Variants in FSTL4 observed in about 807,000 individuals in gnomAD.
FSTL4 encodes follistatin like 4, also known as follistatin-related protein 4.
In FSTL4, 28 loss-of-function variants were observed where a neutral mutation model predicts 78.2. The ratio of observed to expected loss-of-function variants is 0.36; its 90% CI spans 0.27 to 0.49. The LOEUF (loss-of-function observed/expected upper bound fraction) is 0.49. Among genes scored for constraint, FSTL4 ranks in the 20% least tolerant of loss-of-function variants. The probability of loss-of-function intolerance (pLI) is 0.98; values close to 1 mark genes in which losing one functional copy is unlikely to be tolerated. For missense variants in FSTL4, 922 were observed against 1,084.9 expected (o/e 0.85, Z 2.11); for synonymous variants, 422 against 440.5 (o/e 0.96, Z 0.53).
At chr5:133,411,202 G>A (rs1057439688) in intron 3 of FSTL4, among the ~76,000 whole-genome samples, 5 of 152,142 alleles carry the variant, frequency 3.3e-5, no homozygotes, top group African/African-American at 4.8e-5. Context: ...ACAGGCTATG[G>A]AAAAGAACCA....
At chr5:133,629,710 CCAATAT>C in the FSTL4 span, among the ~76,000 whole-genome samples, 12 of 152,162 alleles carry the variant, frequency 7.9e-5, no homozygotes, top group Non-Finnish European at 1.6e-4. Context: ...AAATTTCAGG[CCAATAT>C]CCCTGACGAA....
At chr5:133,320,150 T>C (rs1005055914) in intron 4 of FSTL4, among the ~76,000 whole-genome samples, 41 of 152,166 alleles carry the variant, frequency 2.7e-4, no homozygotes, top group East Asian at 9.6e-4. Flanking sequence ...CTTCCTTCCT[T>C]GCCTTCTTCC....
chr5:133,241,846 C>G (rs1215680324), intron 7 of FSTL4, among the ~76,000 whole-genome samples: 1 of 152,198 alleles, frequency 6.6e-6, no homozygotes, highest in Non-Finnish European at 1.5e-5. Context: ...GCTCCTGACT[C>G]TAACTTGGAC....
chr5:133,540,818 CA>C (rs1471698866), intron 3 of FSTL4, among the ~76,000 whole-genome samples: 1 of 151,192 alleles, frequency 6.6e-6, no homozygotes, highest in African/African-American at 2.4e-5. Flanking sequence ...GTGGAATCAT[CA>C]AGTTTATTTA....
chr5:133,365,903 G>T (rs754423571), intron 4 of FSTL4, among the ~76,000 whole-genome samples: 4 of 152,174 alleles, frequency 2.6e-5, no homozygotes, highest in Non-Finnish European at 5.9e-5. Context: ...CAAGCCTCAC[G>T]ACTGGCAGGG....
At chr5:133,427,092 C>G (rs1241767863) in intron 3 of FSTL4, among the ~76,000 whole-genome samples, 1 of 152,220 alleles carries the variant, frequency 6.6e-6, no homozygotes, top group African/African-American at 2.4e-5. Context: ...CTGGAGAACA[C>G]ACAGGCTCTG....
intron 4 of FSTL4, among the ~76,000 whole-genome samples, chr5:133,374,640 TG>T (rs1190374304): frequency 4.6e-5 from 7 of 152,058 alleles, no homozygotes; most frequent in African/African-American, 1.7e-4. Flanking sequence ...GGAGGTGAGG[TG>T]TCTGTTAGGT....
At chr5:133,744,783 C>T in the FSTL4 span, among the ~76,000 whole-genome samples, 2 of 152,186 alleles carry the variant, frequency 1.3e-5, no homozygotes, top group African/African-American at 2.4e-5. Context: ...GACGTGGGAA[C>T]TCGGAACAAT....
intron 3 of FSTL4, among the ~76,000 whole-genome samples, chr5:133,498,531 T>C (rs1310968947): frequency 1.3e-5 from 2 of 152,198 alleles, no homozygotes; most frequent in East Asian, 3.9e-4. Context: ...TCAGCCTGGC[T>C]AACATGGTGA....
intron 3 of FSTL4, among the ~76,000 whole-genome samples, chr5:133,461,374 C>T (rs1180785477): frequency 6.6e-6 from 1 of 152,180 alleles, no homozygotes; most frequent in African/African-American, 2.4e-5. Context: ...TGGCCTCTTG[C>T]AAGGGACTTA....
chr5:133,695,571 C>T, the FSTL4 span, among the ~76,000 whole-genome samples: 1 of 152,216 alleles, frequency 6.6e-6, no homozygotes, highest in Non-Finnish European at 1.5e-5. Context: ...CACCACTGAC[C>T]TAACGGGGAC....
At chr5:133,658,517 A>C in the FSTL4 span, among the ~76,000 whole-genome samples, 11 of 152,188 alleles carry the variant, frequency 7.2e-5, no homozygotes, top group East Asian at 3.9e-4. Context: ...CATTTTTAAA[A>C]ATTTGCATTT....
chr5:133,778,859 T>A, the FSTL4 span, among the ~76,000 whole-genome samples: 1 of 152,048 alleles, frequency 6.6e-6, no homozygotes, highest in Non-Finnish European at 1.5e-5. Context: ...ACATAACTCC[T>A]CTCACAAGGC....
chr5:133,665,936 G>A, the FSTL4 span, among the ~76,000 whole-genome samples: 44,184 of 152,152 alleles, frequency 0.29, 6,993 homozygotes, highest in Middle Eastern at 0.5. Context: ...TGCAGAGTCC[G>A]GAGCATCACA....
chr5:133,570,861 T>C lies in FSTL4; in HGVS notation c.127-3642A>G, dbSNP rs1001109347. ...CCTTTGCGACATTTGCTGTTTTGCA[T>C]AGAAGCCAAACAGAATATAATATTC... On this transcript the variant is annotated intron_variant, in intron 2 of 15. Coordinates refer to ENST00000265342, the MANE Select transcript of FSTL4 (RefSeq NM_015082.2). 3.3e-5 allele frequency among the ~76,000 whole-genome samples: 5 copies of C among 152,190 alleles called. No homozygotes were observed. The East Asian group carries it at 7.7e-4, about 23-fold the overall frequency.
At chr5:133,403,456 T>C (rs1437377450) in intron 3 of FSTL4, among the ~76,000 whole-genome samples, 1 of 152,148 alleles carries the variant, frequency 6.6e-6, no homozygotes, top group African/African-American at 2.4e-5. Flanking sequence ...CCTCAGGAGG[T>C]CCCACAGGTG....
chr5:133,356,620 A>C (rs1443421785), intron 4 of FSTL4, among the ~76,000 whole-genome samples: 2 of 151,906 alleles, frequency 1.3e-5, no homozygotes, highest in African/African-American at 4.8e-5. Flanking sequence ...TTGATGAGTA[A>C]GTATATGGTA....
chr5:133,419,862 T>A (rs534970613), intron 3 of FSTL4, among the ~76,000 whole-genome samples: 2 of 152,250 alleles, frequency 1.3e-5, no homozygotes, highest in Non-Finnish European at 2.9e-5. Context: ...TAATGACTGA[T>A]GATCTTGAAC....
At chr5:133,659,100 T>C in the FSTL4 span, among the ~76,000 whole-genome samples, 4 of 152,150 alleles carry the variant, frequency 2.6e-5, no homozygotes, top group Non-Finnish European at 5.9e-5. Flanking sequence ...GTATTTTGCT[T>C]ATTGGGATAC....
Sources: allele counts gnomAD v4.1 joint callset (sites outside exome capture counted in the v4.1 genomes callset), GRCh38; gene constraint gnomAD v4.1.1; transcripts MANE v1.5; gene names NCBI Gene and HGNC (gene_info 2026-07-23, HGNC 2026-07-21).